PTPRT: variants seen among roughly 807,000 people sequenced by gnomAD.
PTPRT encodes protein tyrosine phosphatase receptor type T.
In PTPRT, 56 loss-of-function variants were observed where a neutral mutation model predicts 176.8. That is an observed-to-expected ratio of 0.32 (90% CI 0.26 to 0.40). The LOEUF (loss-of-function observed/expected upper bound fraction) is 0.40. PTPRT is among the 10% of genes least tolerant of loss of function. The probability of loss-of-function intolerance (pLI) is 1.00; values close to 1 mark genes in which losing one functional copy is unlikely to be tolerated. For missense variants in PTPRT, 1,540 were observed against 1,908.2 expected, an observed-to-expected ratio of 0.81 and a Z score of 3.60; for synonymous variants, 783 against 739.0, an observed-to-expected ratio of 1.06 and a Z score of -0.96.
At chr20:43,083,880 A>G (rs770683221) in intron 1 of PTPRT, among the ~76,000 whole-genome samples, 2 of 152,158 alleles carry the variant, frequency 1.3e-5, no homozygotes, top group Admixed American at 6.5e-5. Flanking sequence ...TGACCTATAC[A>G]TGGAAATATC....
intron 1 of PTPRT, among the ~76,000 whole-genome samples, chr20:43,153,476 G>C (rs2014425903): frequency 6.6e-6 from 1 of 152,126 alleles, no homozygotes; most frequent in Non-Finnish European, 1.5e-5. Context: ...GTACTAAAAT[G>C]GTATGTAAGT....
At chr20:42,228,379 A>T (rs1187805255) in intron 15 of PTPRT, among the ~76,000 whole-genome samples, 2 of 152,212 alleles carry the variant, frequency 1.3e-5, no homozygotes, top group Non-Finnish European at 2.9e-5. Context: ...TGATGCGTTT[A>T]GACGCCAGTT....
At chr20:43,036,962 T>C (rs760297430) in intron 1 of PTPRT, among the ~76,000 whole-genome samples, 1 of 152,240 alleles carries the variant, frequency 6.6e-6, no homozygotes, top group East Asian at 1.9e-4. Flanking sequence ...AGTGATAGGA[T>C]TGATTCATAT....
At position 42,080,050 on chromosome 20, in the gene PTPRT, A is replaced by C. The variant is rs1408777751; in HGVS notation, c.*829T>G. On this transcript the variant is annotated 3_prime_UTR_variant, in exon 31 of 31. Transcript: ENST00000373187. ...TCTCTTCCAAAGAAAGCTACCACCA[A>C]AGAAACACAGGGGTTACATCCTACA... is the stretch of plus-strand genomic sequence containing the variant. 4.3e-6 allele frequency: 1 copy of C among 232,680 alleles called. No homozygotes were observed. The highest frequency in any genetic ancestry group is 8.5e-6 in the Non-Finnish European group (1 of 117,732). The allele number at this position is 232,680 out of a possible 1,614,324, so 14.4% of individuals were successfully genotyped here.
intron 1 of PTPRT, among the ~76,000 whole-genome samples, chr20:43,145,420 G>A (rs1436292521): frequency 1.3e-5 from 2 of 152,078 alleles, no homozygotes; most frequent in Non-Finnish European, 2.9e-5. Context: ...AGCCCCAAAT[G>A]GCATAGGCTT....
intron 5 of PTPRT, among the ~76,000 whole-genome samples, chr20:42,758,709 T>C (rs927617779): frequency 6.6e-6 from 1 of 152,198 alleles, no homozygotes. Flanking sequence ...GAATAGTTAG[T>C]ACACATCAGA....
At chr20:42,565,970 C>T (rs538379403) in intron 7 of PTPRT, among the ~76,000 whole-genome samples, 1 of 152,228 alleles carries the variant, frequency 6.6e-6, no homozygotes, top group African/African-American at 2.4e-5. Flanking sequence ...AATTCACTCT[C>T]ACCTTCCATC....
chr20:42,315,084 G>T (rs868314598), intron 12 of PTPRT, among the ~76,000 whole-genome samples: 2 of 133,600 alleles, frequency 1.5e-5, no homozygotes, highest in Non-Finnish European at 3.3e-5. Context: ...ACACAAAAAT[G>T]GTTACCTTGC....
chr20:42,203,393 TG>T (rs1991528128), intron 15 of PTPRT, among the ~76,000 whole-genome samples: 1 of 152,208 alleles, frequency 6.6e-6, no homozygotes, highest in African/African-American at 2.4e-5. Flanking sequence ...AACTAAGGAC[TG>T]GGCTTCAACT....
chr20:42,689,606 C>T (rs1371220768), intron 6 of PTPRT, among the ~76,000 whole-genome samples: 2 of 152,180 alleles, frequency 1.3e-5, no homozygotes, highest in Non-Finnish European at 2.9e-5. Flanking sequence ...TGCTCAATTC[C>T]TAATCCCCAA....
At chr20:42,343,249 C>T (rs1188417302) in intron 11 of PTPRT, among the ~76,000 whole-genome samples, 2 of 152,194 alleles carry the variant, frequency 1.3e-5, no homozygotes, top group Admixed American at 6.5e-5. Context: ...TGCCACCATT[C>T]GCCTTTCCTG....
intron 7 of PTPRT, among the ~76,000 whole-genome samples, chr20:42,570,795 C>G (rs6130166): frequency 0.38 from 57,247 of 152,000 alleles, 11,084 homozygotes; most frequent in South Asian, 0.45. Flanking sequence ...ACATTGGGCC[C>G]ACCTGAATAA....
intron 11 of PTPRT, among the ~76,000 whole-genome samples, chr20:42,329,718 T>C (rs1186738788): frequency 6.6e-6 from 1 of 152,200 alleles, no homozygotes; most frequent in Admixed American, 6.5e-5. Flanking sequence ...AAGCCTATTT[T>C]TTTTAATTTG....
chr20:42,165,034 G>T (rs575015177), intron 16 of PTPRT, among the ~76,000 whole-genome samples: 1 of 152,042 alleles, frequency 6.6e-6, no homozygotes, highest in African/African-American at 2.4e-5. Context: ...GTTACTGCCC[G>T]CGAGGAGCTT....
chr20:42,745,703 GA>G (rs2076681959), intron 6 of PTPRT, among the ~76,000 whole-genome samples: 1 of 152,064 alleles, frequency 6.6e-6, no homozygotes, highest in African/African-American at 2.4e-5. Context: ...TGGGTTCTCA[GA>G]AAAAATATTC....
At chr20:42,596,745 C>T (rs546672067) in intron 7 of PTPRT, among the ~76,000 whole-genome samples, 11 of 152,130 alleles carry the variant, frequency 7.2e-5, no homozygotes, top group Non-Finnish European at 1.6e-4. Flanking sequence ...AATGTGCAAC[C>T]TTACTTCTAA....
chr20:42,710,593 C>A (rs1311103119), intron 6 of PTPRT, among the ~76,000 whole-genome samples: 13 of 152,264 alleles, frequency 8.5e-5, no homozygotes, highest in Non-Finnish European at 1.6e-4. Flanking sequence ...GGTAAGCATC[C>A]TTCACTCTTG....
intron 1 of PTPRT, among the ~76,000 whole-genome samples, chr20:43,123,606 G>T (rs370585438): frequency 7.9e-5 from 12 of 152,202 alleles, no homozygotes; most frequent in African/African-American, 2.9e-4. Context: ...AAGAGCCTGG[G>T]ACCCTTTCAA....
intron 2 of PTPRT, among the ~76,000 whole-genome samples, chr20:42,814,010 C>T (rs546649085): frequency 9.2e-5 from 14 of 152,206 alleles, no homozygotes. Context: ...TTTCTTATTA[C>T]TTAATCATAT....
Sources: allele counts gnomAD v4.1 joint callset (sites outside exome capture counted in the v4.1 genomes callset), GRCh38; gene constraint gnomAD v4.1.1; transcripts MANE v1.5; gene names NCBI Gene and HGNC (gene_info 2026-07-23, HGNC 2026-07-21).